The following SGMS1 variants were observed in gnomAD, a reference collection of about 807,000 sequenced individuals.
SGMS1 encodes phosphatidylcholine:ceramide cholinephosphotransferase 1.
In SGMS1, 13 loss-of-function variants were observed where a neutral mutation model predicts 46.2. The observed-to-expected ratio is 0.28, with a 90% confidence interval of 0.18 to 0.45. SGMS1 has a LOEUF of 0.45. Among genes scored for constraint, SGMS1 ranks in the 20% least tolerant of loss-of-function variants. The pLI is 1.00. For synonymous variants in SGMS1, 203 were observed against 187.8 expected (o/e 1.08, Z -0.66); for missense variants, 324 against 519.9 (o/e 0.62, Z 3.66).
chr10:50,478,237 A>G (rs975029964), intron 3 of SGMS1, among the ~76,000 whole-genome samples: 1 of 152,258 alleles, frequency 6.6e-6, no homozygotes, highest in Non-Finnish European at 1.5e-5. Flanking sequence ...TCAGATCCAC[A>G]CAATGAAGAC....
intron 8 of SGMS1, among the ~76,000 whole-genome samples, chr10:50,325,540 G>GA (rs796074346): frequency 2.5e-4 from 38 of 152,260 alleles, no homozygotes; most frequent in African/African-American, 7.7e-4. Flanking sequence ...TGTTTACGAA[G>GA]AAAACCCACA....
intron 6 of SGMS1, among the ~76,000 whole-genome samples, chr10:50,367,519 G>T (rs559100349): frequency 8.9e-4 from 135 of 152,180 alleles, no homozygotes; most frequent in Non-Finnish European, 1.6e-3. Flanking sequence ...CCCATATATG[G>T]TTCTCCCTGT....
At chr10:50,435,865 C>A (rs191504711) in intron 5 of SGMS1, among the ~76,000 whole-genome samples, 7 of 152,332 alleles carry the variant, frequency 4.6e-5, no homozygotes, top group African/African-American at 1.7e-4. Flanking sequence ...TGACCCCTTC[C>A]AAGTCACCCT....
intron 3 of SGMS1, among the ~76,000 whole-genome samples, chr10:50,480,430 A>G (rs554543275): frequency 5.1e-4 from 78 of 152,038 alleles, no homozygotes; most frequent in Non-Finnish European, 4.9e-4. Flanking sequence ...TGCACCTTCA[A>G]CTGAGGTATC....
intron 3 of SGMS1, among the ~76,000 whole-genome samples, chr10:50,470,499 C>T (rs1837369433): frequency 6.6e-6 from 1 of 151,758 alleles, no homozygotes; most frequent in Non-Finnish European, 1.5e-5. Flanking sequence ...CAAAAAGCCC[C>T]AGGCATGGTC....
At chr10:50,344,678 G>C (rs754100733) in intron 6 of SGMS1, among the ~76,000 whole-genome samples, 1 of 152,046 alleles carries the variant, frequency 6.6e-6, no homozygotes, top group Non-Finnish European at 1.5e-5. Context: ...GAGCATCCTG[G>C]CTAACACGGT....
chr10:50,527,105 A>G (rs1349593393), intron 2 of SGMS1, among the ~76,000 whole-genome samples: 1 of 151,546 alleles, frequency 6.6e-6, no homozygotes, highest in Non-Finnish European at 1.5e-5. Flanking sequence ...AAAGAAAAGA[A>G]AAAGAACTGG....
intron 6 of SGMS1, among the ~76,000 whole-genome samples, chr10:50,385,828 A>G (rs1848674335): frequency 6.6e-6 from 1 of 152,158 alleles, no homozygotes; most frequent in South Asian, 2.1e-4. Context: ...TGAGAACACA[A>G]AAGGCATTCA....
chr10:50,598,818 C>T (rs1053933234), intron 1 of SGMS1, among the ~76,000 whole-genome samples: 1 of 152,168 alleles, frequency 6.6e-6, no homozygotes, highest in Admixed American at 6.5e-5. Context: ...TCTTGAAGGT[C>T]TTTTCCTGCA....
At chr10:50,507,329 G>C (rs1249472710) in intron 3 of SGMS1, among the ~76,000 whole-genome samples, 2 of 152,318 alleles carry the variant, frequency 1.3e-5, no homozygotes, top group East Asian at 3.9e-4. Flanking sequence ...AGCTGCCACT[G>C]ATCTGAGTTC....
At chr10:50,448,757 A>AAT (rs59928211) in intron 5 of SGMS1, among the ~76,000 whole-genome samples, 51,764 of 140,610 alleles carry the variant, frequency 0.37, 10,339 homozygotes, top group Non-Finnish European at 0.43. Flanking sequence ...AAAAAAAAAA[A>AAT]AAAAGAATGA....
intron 8 of SGMS1, among the ~76,000 whole-genome samples, chr10:50,326,571 A>G (rs796442611): frequency 1.6e-4 from 25 of 152,350 alleles, no homozygotes; most frequent in African/African-American, 6.0e-4. Flanking sequence ...AAATCTGCTA[A>G]TTATTTCACA....
intron 2 of SGMS1, among the ~76,000 whole-genome samples, chr10:50,532,027 T>G (rs928381920): frequency 3.3e-5 from 5 of 152,172 alleles, no homozygotes; most frequent in African/African-American, 1.2e-4. Context: ...AATAACACTG[T>G]TTAATTCAAC....
At chr10:50,522,717 T>C (rs899077648) in intron 2 of SGMS1, among the ~76,000 whole-genome samples, 8 of 152,122 alleles carry the variant, frequency 5.3e-5, no homozygotes, top group African/African-American at 1.9e-4. Flanking sequence ...TCTTTATTCC[T>C]AGGATGTGAT....
In SGMS1 at chr10:50,311,378, A is replaced by T; in HGVS notation, c.779T>A (p.Met260Lys). The T allele has an allele frequency of 6.2e-7, 1 of 1,614,042 alleles. No homozygotes were observed. The highest frequency in any genetic ancestry group is 2.2e-5 in the East Asian group (1 of 44,892). Residue 260 changes from methionine to lysine, a missense_variant, in exon 9 of 11, where the codon ATG becomes AAG. Met to Lys is a moderately conservative substitution (Grantham distance 95). Around this residue, in one of 2 missense-constraint regions of SGMS1, gnomAD observed 174 missense variants for 350.1 expected, o/e 0.50. Coordinates refer to ENST00000361781, the MANE Select transcript of SGMS1 (RefSeq NM_147156.4). Reference sequence around the variant, plus strand: ...CAAGCCACCTCCAGCAATGAGCTTCATTATTCTTCGCAGTTGGGCTTCCCA... The same window carrying T: ...CAAGCCACCTCCAGCAATGAGCTTCTTTATTCTTCGCAGTTGGGCTTCCCA... ...GDWEAQLRRI[M>K]KLIAGGGLSI... is the part of the protein sequence containing the mutation.
At chr10:50,574,064 C>T (rs1157499743) in intron 2 of SGMS1, among the ~76,000 whole-genome samples, 1 of 152,076 alleles carries the variant, frequency 6.6e-6, no homozygotes, top group African/African-American at 2.4e-5. Context: ...TGAAACTATA[C>T]AATTCTTAGA....
At chr10:50,521,462 T>C (rs545339531) in intron 2 of SGMS1, among the ~76,000 whole-genome samples, 1 of 152,282 alleles carries the variant, frequency 6.6e-6, no homozygotes, top group East Asian at 1.9e-4. Context: ...TTAAAAGTTA[T>C]ATAATAGTTT....
upstream of SGMS1, chr10:50,623,991 C>G: frequency 2.0e-6 from 2 of 985,442 alleles, no homozygotes; most frequent in Non-Finnish European, 2.4e-6. Context: ...CGAGCCGGCC[C>G]GGCTTCCCGC....
At chr10:50,372,470 G>A (rs2688877) in intron 6 of SGMS1, among the ~76,000 whole-genome samples, 52,342 of 151,988 alleles carry the variant, frequency 0.34, 9,196 homozygotes, top group Middle Eastern at 0.4. Context: ...CGGGGAGGGT[G>A]GATCACGAGG....
Sources: gnomAD v4.1 joint callset for allele counts (sites outside exome capture counted in the v4.1 genomes callset) on GRCh38, gnomAD v4.1.1 for gene constraint, gnomAD v4.1.1 regional missense constraint, MANE v1.5 for transcripts, NCBI Gene and HGNC (gene_info 2026-07-23, HGNC 2026-07-21) for gene names.